CSMD2: variants seen among roughly 807,000 people sequenced by gnomAD.
CSMD2 encodes the protein CUB and Sushi multiple domains 2.
In CSMD2, 130 loss-of-function variants were observed where a neutral mutation model predicts 398.5. The ratio of observed to expected loss-of-function variants is 0.33; its 90% confidence interval spans 0.28 to 0.38. The LOEUF (loss-of-function observed/expected upper bound fraction) is 0.38, where lower values mean the gene tolerates loss of function less well. CSMD2 is among the 10% of genes least tolerant of loss of function. The pLI, the probability that CSMD2 is intolerant of heterozygous loss-of-function variation, is 1.00. For synonymous variants in CSMD2, 1,828 were observed against 1,908.5 expected (o/e 0.96, Z 1.10); for missense variants, 3,829 against 4,764.9 (o/e 0.80, Z 5.78).
At chr1:33,774,148 T>TGA (rs1478191496) in intron 12 of CSMD2, among the ~76,000 whole-genome samples, 3 of 143,272 alleles carry the variant, frequency 2.1e-5, no homozygotes, top group African/African-American at 7.8e-5. Flanking sequence ...TGTGTGTGTG[T>TGA]GATCATCTAA....
intron 5 of CSMD2, among the ~76,000 whole-genome samples, chr1:33,915,401 G>A (rs1290604772): frequency 6.6e-6 from 1 of 152,218 alleles, no homozygotes; most frequent in African/African-American, 2.4e-5. Flanking sequence ...TGCTATGCAA[G>A]TATAAATTAG....
Position 33,644,313 on chromosome 1 carries a change from A to G in CSMD2, c.4774+2335T>C, listed in dbSNP as rs956026669. Among the ~76,000 whole-genome samples, 6 of 152,306 alleles carry G rather than the reference A, an allele frequency of 3.9e-5. No individual in the cohort carries two copies. In the South Asian group the frequency reaches 8.3e-4, roughly 21 times the overall value. ...TGGCCACAGGCAGGTAGGCATGAAC[A>G]AGGTGACTGGAGAGGAAGCTCAGGG... On this transcript the variant is annotated intron_variant, in intron 29 of 70. Coordinates refer to ENST00000373381, the MANE Select transcript of CSMD2 (RefSeq NM_001281956.2).
At chr1:33,677,431 G>A (rs1026314236) in intron 25 of CSMD2, among the ~76,000 whole-genome samples, 1 of 152,222 alleles carries the variant, frequency 6.6e-6, no homozygotes, top group African/African-American at 2.4e-5. Flanking sequence ...ACACCAGTTA[G>A]AATGGCAATC....
At chr1:33,809,979 T>C (rs1345525046) in intron 10 of CSMD2, among the ~76,000 whole-genome samples, 5 of 151,894 alleles carry the variant, frequency 3.3e-5, no homozygotes, top group Non-Finnish European at 7.4e-5. Context: ...ATGGAAAAAA[T>C]TATACAAGTT....
At chr1:33,781,967 C>A (rs1412483184) in intron 12 of CSMD2, among the ~76,000 whole-genome samples, 2 of 151,962 alleles carry the variant, frequency 1.3e-5, no homozygotes, top group African/African-American at 4.8e-5. Flanking sequence ...ATTTTCCCAC[C>A]AGGTTCATGC....
intron 1 of CSMD2, among the ~76,000 whole-genome samples, chr1:34,096,308 T>C (rs1659294318): frequency 6.6e-6 from 1 of 151,322 alleles, no homozygotes; most frequent in African/African-American, 2.4e-5. Context: ...AATATCATAC[T>C]GAATGGGCAA....
intron 2 of CSMD2, among the ~76,000 whole-genome samples, chr1:34,084,911 C>T (rs904375543): frequency 1.3e-5 from 2 of 152,180 alleles, no homozygotes; most frequent in Non-Finnish European, 2.9e-5. Flanking sequence ...AATCATGCTG[C>T]TGTAAAGACA....
intron 65 of CSMD2, among the ~76,000 whole-genome samples, chr1:33,525,683 A>G (rs1434357926): frequency 6.6e-6 from 1 of 152,158 alleles, no homozygotes; most frequent in Non-Finnish European, 1.5e-5. Flanking sequence ...AAAATTGCTG[A>G]AAGAGTAGTT....
At chr1:34,026,656 T>G (rs983463032) in intron 3 of CSMD2, among the ~76,000 whole-genome samples, 22 of 152,232 alleles carry the variant, frequency 1.4e-4, no homozygotes. Flanking sequence ...ATTTCTGATC[T>G]GCCCATCACG....
intron 3 of CSMD2, among the ~76,000 whole-genome samples, chr1:34,003,199 G>C (rs1646954161): frequency 6.6e-6 from 1 of 151,930 alleles, no homozygotes; most frequent in African/African-American, 2.4e-5. Context: ...CTTAGGAGCT[G>C]GAGGAGTATT....
chr1:33,657,754 G>C lies in CSMD2; in HGVS notation c.4447+192C>G, dbSNP rs559853745. 4.6e-5 allele frequency among the ~76,000 whole-genome samples: 7 copies of C among 152,326 alleles called. No individual in the cohort carries two copies. In the South Asian group the frequency reaches 1.2e-3, roughly 27 times the overall value. On this transcript the variant is annotated intron_variant, in intron 27 of 70. Coordinates refer to ENST00000373381, the MANE Select transcript of CSMD2 (RefSeq NM_001281956.2). ...AGGAATTTGTAGTGCTCTGTGTATA[G>C]AGTGTGAACGTGAGTGAGTGCGTGT...
chr1:33,631,293 G>A (rs560417403), intron 32 of CSMD2, among the ~76,000 whole-genome samples: 1 of 151,914 alleles, frequency 6.6e-6, no homozygotes, highest in Admixed American at 6.5e-5. Flanking sequence ...ATTATGAAAT[G>A]GATTTTTTAC....
chr1:33,915,153 G>C (rs369387315), intron 5 of CSMD2, among the ~76,000 whole-genome samples: 22 of 152,264 alleles, frequency 1.4e-4, no homozygotes, highest in African/African-American at 1.4e-4. Flanking sequence ...GGTGAAGGGG[G>C]TGCCCAGTTG....
chr1:34,027,938 C>T (rs933985552), intron 3 of CSMD2, among the ~76,000 whole-genome samples: 4 of 152,190 alleles, frequency 2.6e-5, no homozygotes, highest in African/African-American at 7.2e-5. Context: ...GTAAGTGGGG[C>T]GAGGGCTCCT....
At chr1:33,934,718 A>G (rs1021101114) in intron 4 of CSMD2, among the ~76,000 whole-genome samples, 4 of 152,122 alleles carry the variant, frequency 2.6e-5, no homozygotes, top group Admixed American at 6.5e-5. Flanking sequence ...ATCGTGTGCC[A>G]CGTATGGTGG....
Position 34,075,515 on chromosome 1 carries a change from C to T in CSMD2, c.404+13462G>A, listed in dbSNP as rs560678043. On this transcript the variant is annotated intron_variant, in intron 2 of 70. Coordinates refer to ENST00000373381, the MANE Select transcript of CSMD2 (RefSeq NM_001281956.2). ...AACTAGCTCCAAATGACTAAAACTACATTGCACCTTAGGCTGATGACAGAA... is the reference window on the plus strand; with the variant it reads ...AACTAGCTCCAAATGACTAAAACTATATTGCACCTTAGGCTGATGACAGAA... Among the ~76,000 whole-genome samples, 398 of 152,318 alleles carry T rather than the reference C, an allele frequency of 2.6e-3. 1 individual carries two copies. Among genetic ancestry groups the T allele is most frequent in the Non-Finnish European group, 3.4e-3 (229 of 68,024 alleles).
chr1:33,621,329 C>T (rs1214664852), intron 37 of CSMD2, among the ~76,000 whole-genome samples: 2 of 152,112 alleles, frequency 1.3e-5, no homozygotes, highest in African/African-American at 4.8e-5. Flanking sequence ...GCATCTCCAC[C>T]CGCCCACAAC....
At chr1:34,160,154 C>T (rs746174149) in intron 1 of CSMD2, among the ~76,000 whole-genome samples, 23 of 152,174 alleles carry the variant, frequency 1.5e-4, no homozygotes, top group Non-Finnish European at 3.4e-4. Context: ...AAACCCAAAC[C>T]AGGCAGTGTC....
chr1:33,845,871 T>A lies in CSMD2; in HGVS notation c.1033+1013A>T, dbSNP rs139863197. Among the ~76,000 whole-genome samples, 1,252 of 152,378 alleles carry A rather than the reference T, an allele frequency of 8.2e-3. 25 individuals carry two copies. The highest frequency in any genetic ancestry group is 0.029 in the African/African-American group (1,199 of 41,590). ...GAGCCTTGTGGAGGGGGCACTACTCTGCCCTATGCTACCTTGAGGGTGAGC... is the reference window on the plus strand; with the variant it reads ...GAGCCTTGTGGAGGGGGCACTACTCAGCCCTATGCTACCTTGAGGGTGAGC... On this transcript the variant is annotated intron_variant, in intron 6 of 70. Transcript: ENST00000373381.
Sources: gnomAD v4.1 joint callset for allele counts (sites outside exome capture counted in the v4.1 genomes callset) on GRCh38, gnomAD v4.1.1 for gene constraint, MANE v1.5 for transcripts, NCBI Gene and HGNC (gene_info 2026-07-23, HGNC 2026-07-21) for gene names.